The following NDUFA10 variants were observed in gnomAD, a reference collection of about 807,000 sequenced individuals.
NDUFA10 encodes the protein NADH dehydrogenase [ubiquinone] 1 alpha subcomplex subunit 10, mitochondrial.
A neutral mutation model predicts 47.8 loss-of-function variants in NDUFA10; 40 were observed. The observed-to-expected ratio is 0.84, with a 90% CI of 0.65 to 1.09. NDUFA10 has a LOEUF of 1.09. Ranked by LOEUF, NDUFA10 falls within the 50% of genes least tolerant of loss-of-function variation. The pLI, the probability that NDUFA10 is intolerant of heterozygous loss-of-function variation, is 0.00. For synonymous variants in NDUFA10, 183 were observed against 172.2 expected, an observed-to-expected ratio of 1.06 and a Z score of -0.49; for missense variants, 413 against 451.1, an observed-to-expected ratio of 0.92 and a Z score of 0.76.
intron 3 of NDUFA10, 87 bp downstream of exon 3, chr2:240,021,110 A>G: frequency 8.9e-7 from 1 of 1,121,348 alleles, no homozygotes; most frequent in Non-Finnish European, 1.3e-6. Context: ...CTTAAAGGAA[A>G]GCTCGACTCA....
intron 8 of NDUFA10, among the ~76,000 whole-genome samples, chr2:239,998,707 A>C (rs970181953): frequency 6.6e-6 from 1 of 152,208 alleles, no homozygotes; most frequent in Admixed American, 6.5e-5. Flanking sequence ...CCCAGTAAAA[A>C]TTACGGGCAG....
chr2:240,007,226 G>T, intron 7 of NDUFA10, 90 bp downstream of exon 7: 2 of 969,316 alleles, frequency 2.1e-6, no homozygotes, highest in Non-Finnish European at 3.3e-6. Context: ...GTTAAGACCA[G>T]TGGGAATCTA....
intron 5 of NDUFA10, chr2:240,014,473 A>C (rs1234144175): frequency 2.0e-6 from 1 of 488,826 alleles, no homozygotes; most frequent in African/African-American, 2.0e-5. Flanking sequence ...CAGCCTCCCA[A>C]GTTTAAACAG....
At chr2:239,908,846 A>G (rs1023896358) in intron 4 of NDUFA10, among the ~76,000 whole-genome samples, 2 of 152,002 alleles carry the variant, frequency 1.3e-5, no homozygotes, top group South Asian at 2.1e-4. Flanking sequence ...ACCTGCACCT[A>G]CCTCCCTGTT....
chr2:239,975,861 G>A (rs1449537001), intron 9 of NDUFA10, among the ~76,000 whole-genome samples: 1 of 152,060 alleles, frequency 6.6e-6, no homozygotes, highest in African/African-American at 2.4e-5. Flanking sequence ...CCACCCTCCT[G>A]GATCCCAGAC....
At chr2:239,990,000 G>A (rs1696177327) in intron 9 of NDUFA10, 74 bp downstream of exon 9, 4 of 1,084,130 alleles carry the variant, frequency 3.7e-6, no homozygotes, top group Non-Finnish European at 5.7e-6. Flanking sequence ...CTCCTTTCTG[G>A]AGAAGTGACT....
downstream of NDUFA10, among the ~76,000 whole-genome samples, chr2:239,956,478 C>G (rs1012073332): frequency 6.6e-6 from 1 of 152,196 alleles, no homozygotes; most frequent in Non-Finnish European, 1.5e-5. Flanking sequence ...CTTTCAGGTT[C>G]CCAGATTTGG....
intron 1 of NDUFA10, among the ~76,000 whole-genome samples, chr2:240,023,850 C>T (rs1246830482): frequency 1.3e-5 from 2 of 152,206 alleles, no homozygotes; most frequent in African/African-American, 4.8e-5. Flanking sequence ...ACACCTCTCG[C>T]AAATGAAATT....
At chr2:239,984,449 C>T (rs1233231698) in intron 9 of NDUFA10, among the ~76,000 whole-genome samples, 1 of 152,118 alleles carries the variant, frequency 6.6e-6, no homozygotes, top group Non-Finnish European at 1.5e-5. Context: ...ATCGGATTTT[C>T]CCAGTCATTT....
At chr2:240,009,044 C>T (rs1270216033) in intron 6 of NDUFA10, among the ~76,000 whole-genome samples, 1 of 152,186 alleles carries the variant, frequency 6.6e-6, no homozygotes, top group Non-Finnish European at 1.5e-5. Context: ...CACGTGCAAC[C>T]TCAATGGTGG....
At chr2:239,955,172 T>C (rs987221089), downstream of NDUFA10, among the ~76,000 whole-genome samples, 1 of 152,114 alleles carries the variant, frequency 6.6e-6, no homozygotes, top group Non-Finnish European at 1.5e-5. Context: ...ATACTATGGA[T>C]AGAAAATATG....
chr2:239,969,698 A>G (rs1695233567), intron 9 of NDUFA10: 2 of 471,316 alleles, frequency 4.2e-6, no homozygotes, highest in Non-Finnish European at 4.4e-6. Flanking sequence ...CCGATCCTTC[A>G]AAGGTGTTTT....
chr2:240,022,581 C>A (rs1264802043), intron 1 of NDUFA10, among the ~76,000 whole-genome samples: 6 of 136,772 alleles, frequency 4.4e-5, no homozygotes, highest in African/African-American at 1.6e-4. Flanking sequence ...GGCCCTGGAA[C>A]AATGCCTGAA....
intron 4 of NDUFA10, among the ~76,000 whole-genome samples, chr2:239,915,005 CAG>C (rs1358711061): frequency 1.4e-5 from 2 of 141,638 alleles, no homozygotes; most frequent in East Asian, 2.0e-4. Flanking sequence ...TAGACACACA[CAG>C]AGAGACACAC....
intron 4 of NDUFA10, among the ~76,000 whole-genome samples, chr2:239,912,752 CAG>C (rs1245398306): frequency 2.0e-5 from 3 of 152,236 alleles, no homozygotes; most frequent in African/African-American, 7.2e-5. Flanking sequence ...ACTGAGGACA[CAG>C]GTGACAGAGG....
At chr2:239,977,091 G>A (rs1695553874) in intron 9 of NDUFA10, among the ~76,000 whole-genome samples, 1 of 152,150 alleles carries the variant, frequency 6.6e-6, no homozygotes, top group Non-Finnish European at 1.5e-5. Flanking sequence ...CCGCCAAGCA[G>A]ATCTCCCTAA....
In NDUFA10 at chr2:239,960,236, A is replaced by T. The variant is rs770794808; in HGVS notation, c.*882T>A. ...CACAGTTCAGTAGGACTCACAACTGACAGCTTGATTCCTAAACCATGATGC... is the reference window on the plus strand; with the variant it reads ...CACAGTTCAGTAGGACTCACAACTGTCAGCTTGATTCCTAAACCATGATGC... On this transcript the variant is annotated 3_prime_UTR_variant, in exon 10 of 10. Coordinates refer to ENST00000252711, the MANE Select transcript of NDUFA10 (RefSeq NM_004544.4). The T allele has an allele frequency of 1.9e-5, 19 of 985,202 alleles. No individual in the cohort carries two copies. The African/African-American group carries it at 3.3e-4, about 17-fold the overall frequency. 61.0% of individuals were successfully genotyped at this position (985,202 alleles called of 1,614,324 possible).
chr2:239,975,030 TTAAAAA>T (rs1396606311), intron 9 of NDUFA10, among the ~76,000 whole-genome samples: 1 of 148,518 alleles, frequency 6.7e-6, no homozygotes, highest in African/African-American at 2.5e-5. Context: ...AGCTGGTCAT[TTAAAAA>T]TATGTGACAG....
chr2:239,946,302 CG>C (rs1181958162), intron 4 of NDUFA10, among the ~76,000 whole-genome samples: 2 of 152,296 alleles, frequency 1.3e-5, no homozygotes, highest in Non-Finnish European at 2.9e-5. Flanking sequence ...CCCCAGCAGA[CG>C]GGGAGATGGG....
Sources: gnomAD v4.1 joint callset for allele counts (sites outside exome capture counted in the v4.1 genomes callset) on GRCh38, gnomAD v4.1.1 for gene constraint, MANE v1.5 for transcripts, NCBI Gene and HGNC (gene_info 2026-07-23, HGNC 2026-07-21) for gene names.